AGBL2: variants seen among roughly 807,000 people sequenced by gnomAD.
The protein encoded by AGBL2 is cytosolic carboxypeptidase 2.
Under a neutral mutation model 103.0 loss-of-function variants are expected in AGBL2, and 87 were observed. The ratio of observed to expected loss-of-function variants is 0.84; its 90% CI spans 0.71 to 1.01. The LOEUF is 1.01. Ranked by LOEUF, AGBL2 falls within the 50% of genes least tolerant of loss-of-function variation. The probability of loss-of-function intolerance (pLI) is 0.00; values close to 1 mark genes in which losing one functional copy is unlikely to be tolerated. For synonymous variants in AGBL2, 335 were observed against 356.7 expected, an observed-to-expected ratio of 0.94 and a Z score of 0.69; for missense variants, 904 against 1,023.5, an observed-to-expected ratio of 0.88 and a Z score of 1.59.
chr11:47,710,707 G>A, intron 3 of AGBL2, 196 bp from the exon 4 acceptor site: 1 of 676,102 alleles, frequency 1.5e-6, no homozygotes, highest in Non-Finnish European at 2.6e-6. Context: ...CCTTACAGCT[G>A]AGGAAATGGA....
chr11:47,691,673 AC>A (rs2097446009), intron 9 of AGBL2, among the ~76,000 whole-genome samples: 1 of 133,046 alleles, frequency 7.5e-6, no homozygotes, highest in Non-Finnish European at 1.6e-5. Flanking sequence ...ATGTCACTGC[AC>A]TCCAGCCTGG....
chr11:47,670,591 C>T (rs2097354382), intron 14 of AGBL2, among the ~76,000 whole-genome samples: 1 of 151,896 alleles, frequency 6.6e-6, no homozygotes, highest in East Asian at 1.9e-4. Context: ...CATGGTGGCT[C>T]ATGACTATAA....
At chr11:47,703,995 G>C (rs191456367) in intron 7 of AGBL2, among the ~76,000 whole-genome samples, 2 of 151,252 alleles carry the variant, frequency 1.3e-5, no homozygotes, top group Non-Finnish European at 2.9e-5. Context: ...CCAGCTACTT[G>C]GGGGGCTTAG....
chr11:47,679,513 G>A (rs1429977674), intron 13 of AGBL2, among the ~76,000 whole-genome samples: 6 of 152,100 alleles, frequency 3.9e-5, no homozygotes, highest in Non-Finnish European at 8.8e-5. Flanking sequence ...TAGACAGTAT[G>A]CAGTCTGGGG....
chr11:47,714,240 C>T lies in AGBL2; in HGVS notation c.97+44G>A, dbSNP rs147962745. On this transcript the variant is annotated intron_variant, in intron 3 of 18. Coordinates refer to ENST00000525123, the MANE Select transcript of AGBL2 (RefSeq NM_024783.4). ...TCCCAGCTAACGAAGCAATTTTCCTCTTGAGTCCAGGAAAGGTGATACTAG... is the reference window on the plus strand; with the variant it reads ...TCCCAGCTAACGAAGCAATTTTCCTTTTGAGTCCAGGAAAGGTGATACTAG... The T allele has an allele frequency of 6.6e-6, 10 of 1,521,944 alleles. 1 individual carries two copies. In the Admixed American group the frequency reaches 1.7e-4, roughly 26 times the overall value. The allele number at this position is 1,521,944 out of a possible 1,614,324, so 94.3% of individuals were successfully genotyped here.
At chr11:47,666,807 C>T in intron 17 of AGBL2, 149 bp downstream of exon 17, 1 of 692,544 alleles carries the variant, frequency 1.4e-6, no homozygotes, top group East Asian at 2.7e-5. Flanking sequence ...TCAATGTCTC[C>T]CCCAGTTTTA....
intron 8 of AGBL2, among the ~76,000 whole-genome samples, chr11:47,696,933 T>C (rs1040849625): frequency 2.6e-5 from 4 of 152,162 alleles, no homozygotes; most frequent in Non-Finnish European, 4.4e-5. Context: ...ATTTTTTATT[T>C]ATTTATTGAT....
chr11:47,662,306 T>C (rs2097330122), intron 18 of AGBL2, among the ~76,000 whole-genome samples: 1 of 151,608 alleles, frequency 6.6e-6, no homozygotes, highest in African/African-American at 2.4e-5. Context: ...CCCGAGTAGC[T>C]GGGGTTATAA....
At chr11:47,674,596 G>A (rs1223367266) in intron 14 of AGBL2, among the ~76,000 whole-genome samples, 1 of 151,652 alleles carries the variant, frequency 6.6e-6, no homozygotes, top group African/African-American at 2.4e-5. Context: ...GGGTTAGGGT[G>A]GAGGCCATAG....
At chr11:47,686,171 C>G (rs1276537993) in intron 10 of AGBL2, 122 bp from the exon 11 acceptor site, 1 of 985,510 alleles carries the variant, frequency 1.0e-6, no homozygotes, top group African/African-American at 1.7e-5. Context: ...AAAATCTCAA[C>G]TCCATTGGCC....
intron 3 of AGBL2, among the ~76,000 whole-genome samples, chr11:47,712,276 T>C (rs1049570333): frequency 6.6e-6 from 1 of 152,056 alleles, no homozygotes; most frequent in South Asian, 2.1e-4. Context: ...CTCCCCCCTG[T>C]AGATAAGGGG....
chr11:47,700,035 G>A (rs1273987146), intron 7 of AGBL2, among the ~76,000 whole-genome samples: 3 of 151,708 alleles, frequency 2.0e-5, no homozygotes, highest in Admixed American at 6.6e-5. Flanking sequence ...TCGGCTCACC[G>A]CAACCTCCGC....
chr11:47,671,753 G>A (rs899234891), intron 14 of AGBL2, among the ~76,000 whole-genome samples: 1 of 152,178 alleles, frequency 6.6e-6, no homozygotes, highest in Admixed American at 6.5e-5. Context: ...CTCACAAGGT[G>A]TTTTTCTAGT....
intron 18 of AGBL2, among the ~76,000 whole-genome samples, 169 bp downstream of exon 18, chr11:47,662,857 A>C (rs1263487491): frequency 3.9e-5 from 6 of 152,318 alleles, no homozygotes; most frequent in Non-Finnish European, 4.4e-5. Flanking sequence ...GTCAGTGGTA[A>C]CTGTAGCCTG....
At chr11:47,684,932 C>T (rs779933467) in intron 11 of AGBL2, among the ~76,000 whole-genome samples, 2 of 152,012 alleles carry the variant, frequency 1.3e-5, no homozygotes, top group Non-Finnish European at 2.9e-5. Context: ...TATGGAGGGG[C>T]GCAGTAGCTC....
At chr11:47,701,394 T>C (rs2097498570) in intron 7 of AGBL2, among the ~76,000 whole-genome samples, 1 of 145,616 alleles carries the variant, frequency 6.9e-6, no homozygotes, top group Admixed American at 7.1e-5. Flanking sequence ...TGCTTGAACC[T>C]GGGAGGCGGA....
chr11:47,714,785 C>T lies in AGBL2; in HGVS notation c.-100-35G>A, dbSNP rs1441483891. 5.7e-6 allele frequency: 5 copies of T among 880,742 alleles called. No homozygotes were observed. The East Asian group carries it at 1.2e-4, about 21-fold the overall frequency. The allele number at this position is 880,742 out of a possible 1,614,324, so 54.6% of individuals were successfully genotyped here. A position where few individuals can be genotyped will look rare whatever the true frequency, so the allele number is the denominator to read the frequency against. On this transcript the variant is annotated intron_variant, in intron 1 of 18. Coordinates refer to ENST00000525123, the MANE Select transcript of AGBL2 (RefSeq NM_024783.4). ...CACAAGAGGACAAGTGAAAAAACTG[C>T]CAATACCTCCCCGGGCGCCCCCCAG...
chr11:47,692,521 C>A (rs1242838384), intron 8 of AGBL2, among the ~76,000 whole-genome samples: 1 of 142,756 alleles, frequency 7.0e-6, no homozygotes, highest in African/African-American at 2.7e-5. Context: ...ATGCCATTGT[C>A]CTGCCTCAGC....
At chr11:47,671,916 G>A (rs2097358723) in intron 14 of AGBL2, among the ~76,000 whole-genome samples, 1 of 152,192 alleles carries the variant, frequency 6.6e-6, no homozygotes, top group Non-Finnish European at 1.5e-5. Context: ...TACACTCACA[G>A]TCTGCTTTCC....
Sources: gnomAD v4.1 joint callset for allele counts (sites outside exome capture counted in the v4.1 genomes callset) on GRCh38, gnomAD v4.1.1 for gene constraint, MANE v1.5 for transcripts, NCBI Gene and HGNC (gene_info 2026-07-23, HGNC 2026-07-21) for gene names.